Variants in USF3 observed in about 807,000 individuals in gnomAD.
USF3 encodes upstream transcription factor family member 3, also known as basic helix-loop-helix domain-containing protein USF3.
A neutral mutation model predicts 157.5 loss-of-function variants in USF3; 29 were observed. The observed-to-expected ratio is 0.18, with a 90% CI of 0.14 to 0.25. The LOEUF (loss-of-function observed/expected upper bound fraction) is 0.25. USF3 is among the 10% of genes least tolerant of loss of function. USF3 has a pLI of 1.00. For missense variants in USF3, 2,381 were observed against 2,667.6 expected (o/e 0.89, Z 2.37); for synonymous variants, 893 against 941.4 (o/e 0.95, Z 0.94).
chr3:113,654,868 G>A lies in USF3; in HGVS notation c.*76C>T. Reference sequence around the variant, plus strand: ...ACACACACACAATCCTTCTCTTCATGTACATGTCTGTGCACATGCACGCAC... The same window carrying A: ...ACACACACACAATCCTTCTCTTCATATACATGTCTGTGCACATGCACGCAC... On this transcript the variant is annotated 3_prime_UTR_variant, in exon 7 of 7. Transcript: ENST00000316407. 4 of 1,452,504 alleles carry A rather than the reference G, an allele frequency of 2.8e-6. No homozygotes were observed. In the South Asian group the frequency reaches 5.4e-5, roughly 20 times the overall value. 90.0% of individuals were successfully genotyped at this position (1,452,504 alleles called of 1,614,324 possible).
rs1219710109 is a variant in USF3 at position 113,659,060 on chromosome 3, T to G, written c.2622A>C (p.Ser874=). 6.2e-7 allele frequency: 1 copy of G among 1,614,210 alleles called. No homozygotes were observed. The highest frequency in any genetic ancestry group is 2.2e-5 in the East Asian group (1 of 44,892). ...ATTTCGATACAGACTCAGGTATTAATGATTCAGAGCTTAGAACACCCAAAG... is the reference window on the plus strand; with the variant it reads ...ATTTCGATACAGACTCAGGTATTAAGGATTCAGAGCTTAGAACACCCAAAG... ...SHSLGVLSSE[S]LIPESVSKSK... The change falls in exon 7 of 7, where the codon TCA becomes TCC. Residue 874 remains serine (S), a synonymous_variant. Transcript: ENST00000316407.
At chr3:113,670,905 C>T (rs1223517062) in intron 4 of USF3, among the ~76,000 whole-genome samples, 2 of 151,974 alleles carry the variant, frequency 1.3e-5, no homozygotes, top group Non-Finnish European at 2.9e-5. Context: ...CCATGCCCAA[C>T]TATTTTTTTT....
Position 113,660,676 on chromosome 3 carries a change from C to G in USF3, c.1006G>C (p.Val336Leu). The G allele has an allele frequency of 6.2e-7, 1 of 1,614,180 alleles. No individual in the cohort carries two copies. The highest frequency in any genetic ancestry group is 8.5e-7 in the Non-Finnish European group (1 of 1,180,038). ...CAGACTGTGGTGGTAACTGAAACAA[C>G]AAAAGTGTTTTGAAAATCACCTCTG... ...DFRGDFQNTFVVSVTTTVCSQ... is the reference protein window; with the variant it reads ...DFRGDFQNTFLVSVTTTVCSQ... Residue 336 changes from valine to leucine, a missense_variant, in exon 7 of 7, where the codon GTT becomes CTT. Transcript: ENST00000316407.
At position 113,657,739 on chromosome 3, in the gene USF3, G is replaced by A. The variant is rs1947393701; in HGVS notation, c.3943C>T (p.Pro1315Ser). The change falls in exon 7 of 7, where the codon CCA becomes TCA. Residue 1315 changes from proline to serine, a missense_variant. Coordinates refer to ENST00000316407, the MANE Select transcript of USF3 (RefSeq NM_001009899.4). ...STIPNSQIQE[P>S]LLKPSHESRK... Reference sequence around the variant, plus strand: ...CTTTCATGGCTTGGCTTTAAGAGTGGCTCTTGAATCTGTGAATTTGGTATG... The same window carrying A: ...CTTTCATGGCTTGGCTTTAAGAGTGACTCTTGAATCTGTGAATTTGGTATG... The A allele has an allele frequency of 1.2e-6, 2 of 1,614,116 alleles. No homozygotes were observed. The highest frequency in any genetic ancestry group is 1.1e-5 in the South Asian group (1 of 91,078).
At position 113,650,156 on chromosome 3, in the gene USF3, C is replaced by T. The variant is rs747859459; in HGVS notation, c.*4788G>A. The T allele has an allele frequency of 5.1e-6, 2 of 393,330 alleles. No homozygotes were observed. The highest frequency in any genetic ancestry group is 9.2e-6 in the Non-Finnish European group (2 of 217,902). The allele number at this position is 393,330 out of a possible 1,614,324, so 24.4% of individuals were successfully genotyped here. On this transcript the variant is annotated 3_prime_UTR_variant, in exon 7 of 7. Transcript: ENST00000316407. ...AAATTACAAAAATGGCTTCCAGGCT[C>T]CTAAAGATATCACTCCAAAGCTGTT...
chr3:113,679,330 T>C (rs1202526630), intron 1 of USF3, among the ~76,000 whole-genome samples: 2 of 151,904 alleles, frequency 1.3e-5, no homozygotes, highest in African/African-American at 4.8e-5. Context: ...TTACGTATAA[T>C]ATTCAATGGG....
In USF3 at chr3:113,656,674, C is replaced by T. The variant is rs1427726040; in HGVS notation, c.5008G>A (p.Ala1670Thr). The change falls in exon 7 of 7, where the codon GCT becomes ACT. Residue 1670 changes from alanine to threonine, a missense_variant. Ala to Thr is a moderately conservative substitution (Grantham distance 58, BLOSUM62 0). Transcript: ENST00000316407. ...GATGTCTTTCCAATGAGTGCCTCAG[C>T]AGAATAACTTGAAACTCTATTTCTC... ...PERNRVSSYSAEALIGKTSSN... is the reference protein window; with the variant it reads ...PERNRVSSYSTEALIGKTSSN... 2 of 1,614,028 alleles carry T rather than the reference C, an allele frequency of 1.2e-6. No homozygotes were observed. Among genetic ancestry groups the T allele is most frequent in the Non-Finnish European group, 1.7e-6 (2 of 1,180,010 alleles).
chr3:113,670,111 G>C lies in USF3; in HGVS notation c.159+10C>G. 1 of 1,578,042 alleles carries C rather than the reference G, an allele frequency of 6.3e-7. No homozygotes were observed. Among genetic ancestry groups the C allele is most frequent in the Non-Finnish European group, 8.7e-7 (1 of 1,147,172 alleles). On this transcript the variant is annotated intron_variant, in intron 5 of 6. Coordinates refer to ENST00000316407, the MANE Select transcript of USF3 (RefSeq NM_001009899.4). ...TAAGTAATGAATGAAGATATGAGTA[G>C]ACTTCTTACCTGCTTCAGGGCAGGA... is the stretch of plus-strand genomic sequence containing the variant.
In USF3 at chr3:113,654,073, G is replaced by T. The variant is rs1335789041; in HGVS notation, c.*871C>A. ...TTCAAGACCAAATAAATAGAATGAA[G>T]AGAGAATACTAAATTAAACTCAGCT... On this transcript the variant is annotated 3_prime_UTR_variant, in exon 7 of 7. Coordinates refer to ENST00000316407, the MANE Select transcript of USF3 (RefSeq NM_001009899.4). 6.6e-6 allele frequency: 1 copy of T among 152,422 alleles called. No individual in the cohort carries two copies. The highest frequency in any genetic ancestry group is 1.5e-5 in the Non-Finnish European group (1 of 68,030). The allele number at this position is 152,422 out of a possible 1,614,324, so 9.4% of individuals were successfully genotyped here. A position where few individuals can be genotyped will look rare whatever the true frequency, so the allele number is the denominator to read the frequency against.
Position 113,656,004 on chromosome 3 carries a change from A to C in USF3, c.5678T>G (p.Leu1893Trp). ...AGAGGAACTTGAAAAAGGAATATTC[A>C]AGGTGCTGTTCCTGGTGTTAATTGC... The part of the protein sequence containing the change: ...LGAINTRNST[L>W]NIPFSSSSSS... The change falls in exon 7 of 7, where the codon TTG (leucine) becomes TGG (tryptophan). Residue 1893 changes from leucine (L) to tryptophan (W), a missense_variant. This residue lies in a region of USF3 where 770 missense variants were observed against 824.2 expected (regional missense o/e 0.93). Transcript: ENST00000316407. 2 of 1,614,240 alleles carry C rather than the reference A, an allele frequency of 1.2e-6. No homozygotes were observed. The highest frequency in any genetic ancestry group is 1.7e-6 in the Non-Finnish European group (2 of 1,180,030).
At chr3:113,691,019 C>T (rs1160276734) in intron 1 of USF3, among the ~76,000 whole-genome samples, 1 of 152,050 alleles carries the variant, frequency 6.6e-6, no homozygotes, top group Admixed American at 6.6e-5. Context: ...AAAACCCCAT[C>T]TCTACCAAAA....
intron 1 of USF3, among the ~76,000 whole-genome samples, chr3:113,690,521 C>A (rs1293323042): frequency 6.6e-6 from 1 of 152,210 alleles, no homozygotes; most frequent in East Asian, 1.9e-4. Context: ...CCCCTTCCAC[C>A]TAGTACAACA....
At chr3:113,680,973 T>C in intron 1 of USF3, among the ~76,000 whole-genome samples, 1 of 152,112 alleles carries the variant, frequency 6.6e-6, no homozygotes, top group Admixed American at 6.6e-5. Flanking sequence ...TTGAAGTTTT[T>C]CTACTTTTTA....
intron 1 of USF3, among the ~76,000 whole-genome samples, chr3:113,677,912 A>G (rs1707317244): frequency 6.6e-6 from 1 of 152,102 alleles, no homozygotes; most frequent in Admixed American, 6.6e-5. Context: ...GCTTCATTCC[A>G]AACATGACAA....
chr3:113,650,100 C>T lies in USF3; in HGVS notation c.*4844G>A. 1.9e-6 allele frequency: 1 copy of T among 513,870 alleles called. No individual in the cohort carries two copies. Among genetic ancestry groups the T allele is most frequent in the Non-Finnish European group, 3.4e-6 (1 of 290,500 alleles). The allele number at this position is 513,870 out of a possible 1,614,324, so 31.8% of individuals were successfully genotyped here. A position where few individuals can be genotyped will look rare whatever the true frequency, so the allele number is the denominator to read the frequency against. ...GTACACAGCCACAGGCGCACTACCTCCAGGCAAAGGTAGCATTTATATAGA... is the reference window on the plus strand; with the variant it reads ...GTACACAGCCACAGGCGCACTACCTTCAGGCAAAGGTAGCATTTATATAGA... On this transcript the variant is annotated 3_prime_UTR_variant, in exon 7 of 7. Coordinates refer to ENST00000316407, the MANE Select transcript of USF3 (RefSeq NM_001009899.4).
Position 113,656,209 on chromosome 3 carries a change from C to T in USF3, c.5473G>A (p.Ala1825Thr), listed in dbSNP as rs1947355224. Residue 1825 changes from alanine to threonine, a missense_variant, in exon 7 of 7, where the codon GCC (alanine) becomes ACC (threonine). Physicochemically the swap from Ala to Thr is moderately conservative, Grantham distance 58. Coordinates refer to ENST00000316407, the MANE Select transcript of USF3 (RefSeq NM_001009899.4). ...CHQSFMQSLL[A>T]PHLSDQVIGS... is the part of the protein sequence containing the mutation. ...ATGACCTGATCACTGAGGTGAGGGG[C>T]AAGTAAGCTCTGCATGAAACTTTGG... 6.2e-7 allele frequency: 1 copy of T among 1,614,106 alleles called. No individual in the cohort carries two copies. Among genetic ancestry groups the T allele is most frequent in the East Asian group, 2.2e-5 (1 of 44,892 alleles).
intron 1 of USF3, among the ~76,000 whole-genome samples, chr3:113,681,244 G>A (rs1038169098): frequency 9.9e-5 from 15 of 152,006 alleles, no homozygotes; most frequent in African/African-American, 1.5e-4. Context: ...CTCCCAAAGC[G>A]CTGGGATTAA....
intron 6 of USF3, among the ~76,000 whole-genome samples, chr3:113,662,147 G>A (rs574125274): frequency 2.6e-5 from 4 of 152,260 alleles, no homozygotes; most frequent in African/African-American, 7.2e-5. Flanking sequence ...ATGCCCAGCC[G>A]ACAGTCTCTT....
chr3:113,662,264 G>A lies in USF3; in HGVS notation c.257-839C>T, dbSNP rs766150115. The stretch of plus-strand genomic sequence containing the variant: ...ACCAAAGTGCACCAAAGAAAGCATC[G>A]ACAATGGAACCTGCACTTTGCTTGG... On this transcript the variant is annotated intron_variant, in intron 6 of 6. Coordinates refer to ENST00000316407, the MANE Select transcript of USF3 (RefSeq NM_001009899.4). Among the ~76,000 whole-genome samples, 19 of 152,202 alleles carry A rather than the reference G, an allele frequency of 1.2e-4. 1 individual carries two copies. Among genetic ancestry groups the A allele is most frequent in the Admixed American group, 2.0e-4 (3 of 15,284 alleles).
Sources: gnomAD v4.1 joint callset for allele counts (sites outside exome capture counted in the v4.1 genomes callset) on GRCh38, gnomAD v4.1.1 for gene constraint, gnomAD v4.1.1 regional missense constraint, MANE v1.5 for transcripts, NCBI Gene and HGNC (gene_info 2026-07-23, HGNC 2026-07-21) for gene names.